The following NKAIN2 variants were observed in gnomAD, a reference collection of about 807,000 sequenced individuals.
The protein encoded by NKAIN2 is sodium/potassium-transporting ATPase subunit beta-1-interacting protein 2.
Under a neutral mutation model 32.6 loss-of-function variants are expected in NKAIN2, and 14 were observed. The observed-to-expected ratio is 0.43, with a 90% CI of 0.28 to 0.67. NKAIN2 has a LOEUF of 0.67. Ranked by LOEUF, NKAIN2 falls within the 30% of genes least tolerant of loss-of-function variation. The probability of loss-of-function intolerance (pLI) is 0.17; values close to 1 mark genes in which losing one functional copy is unlikely to be tolerated. For synonymous variants in NKAIN2, 80 were observed against 87.2 expected, an observed-to-expected ratio of 0.92 and a Z score of 0.46; for missense variants, 198 against 258.3, an observed-to-expected ratio of 0.77 and a Z score of 1.60.
intron 3 of NKAIN2, among the ~76,000 whole-genome samples, chr6:124,404,799 A>G (rs984854977): frequency 1.3e-5 from 2 of 152,226 alleles, no homozygotes; most frequent in Non-Finnish European, 2.9e-5. Context: ...TTACTATATC[A>G]TTAAAATATA....
At chr6:124,005,466 T>A (rs1476153919) in intron 1 of NKAIN2, among the ~76,000 whole-genome samples, 2 of 152,138 alleles carry the variant, frequency 1.3e-5, no homozygotes, top group Non-Finnish European at 2.9e-5. Context: ...ATATAATATA[T>A]ATGTATGCCA....
At chr6:124,511,467 T>C (rs1161618495) in intron 3 of NKAIN2, among the ~76,000 whole-genome samples, 1 of 152,104 alleles carries the variant, frequency 6.6e-6, no homozygotes, top group Non-Finnish European at 1.5e-5. Flanking sequence ...CAATTAAAAA[T>C]AGAAAAAATT....
chr6:123,991,723 A>G (rs7755307), intron 1 of NKAIN2, among the ~76,000 whole-genome samples: 71,534 of 151,660 alleles, frequency 0.47, 17,771 homozygotes, highest in African/African-American at 0.62. Flanking sequence ...TTAGCCAGGC[A>G]TGGTGGTGGG....
chr6:124,399,816 C>A (rs1384452241), intron 3 of NKAIN2, among the ~76,000 whole-genome samples: 1 of 152,122 alleles, frequency 6.6e-6, no homozygotes, highest in East Asian at 1.9e-4. Flanking sequence ...GACAAGGGAT[C>A]ATTAGGGAGA....
chr6:124,223,176 G>A (rs963478100), intron 1 of NKAIN2, among the ~76,000 whole-genome samples: 7 of 122,560 alleles, frequency 5.7e-5, no homozygotes, highest in African/African-American at 2.2e-4. Flanking sequence ...TTGCGCCACT[G>A]TACTCCAGCC....
chr6:123,907,376 T>A (rs1774933999), intron 1 of NKAIN2, among the ~76,000 whole-genome samples: 1 of 152,210 alleles, frequency 6.6e-6, no homozygotes, highest in Admixed American at 6.5e-5. Context: ...ATAGCTATAA[T>A]AGACTTATCA....
At chr6:124,260,251 C>T (rs1387839353) in intron 1 of NKAIN2, among the ~76,000 whole-genome samples, 1 of 152,122 alleles carries the variant, frequency 6.6e-6, no homozygotes, top group Non-Finnish European at 1.5e-5. Flanking sequence ...CTTCAAGGAG[C>T]TTACATCCTA....
chr6:124,406,557 T>G (rs993223479), intron 3 of NKAIN2, among the ~76,000 whole-genome samples: 13 of 152,176 alleles, frequency 8.5e-5, no homozygotes, highest in Admixed American at 5.2e-4. Context: ...ATGCACAGTC[T>G]TTGCATGGTT....
At chr6:124,253,723 T>C (rs1232526221) in intron 1 of NKAIN2, among the ~76,000 whole-genome samples, 2 of 152,166 alleles carry the variant, frequency 1.3e-5, no homozygotes, top group African/African-American at 2.4e-5. Context: ...ATAGCATACC[T>C]GTTATTTTCC....
chr6:124,383,701 T>C (rs937589822), intron 3 of NKAIN2, among the ~76,000 whole-genome samples: 3 of 152,216 alleles, frequency 2.0e-5, no homozygotes, highest in African/African-American at 7.2e-5. Context: ...CTAGCACCTA[T>C]CATGTACTTA....
intron 1 of NKAIN2, among the ~76,000 whole-genome samples, chr6:124,144,382 G>A (rs184747707): frequency 7.9e-5 from 12 of 152,280 alleles, no homozygotes; most frequent in Admixed American, 1.3e-4. Flanking sequence ...GCGTTTCAGT[G>A]AGAAATTGTG....
chr6:124,283,301 C>G, intron 2 of NKAIN2, 159 bp downstream of exon 2: 1 of 549,400 alleles, frequency 1.8e-6, no homozygotes, highest in Non-Finnish European at 3.2e-6. Context: ...ATTCCATCAA[C>G]AGTAATTGAA....
chr6:123,866,493 C>T (rs969891354), intron 1 of NKAIN2, among the ~76,000 whole-genome samples: 5 of 151,920 alleles, frequency 3.3e-5, no homozygotes, highest in Non-Finnish European at 5.9e-5. Context: ...TGCGGTGGTG[C>T]GATCTCGGCT....
At chr6:124,509,963 TTATC>T (rs1375301273) in intron 3 of NKAIN2, among the ~76,000 whole-genome samples, 1 of 152,194 alleles carries the variant, frequency 6.6e-6, no homozygotes, top group Admixed American at 6.5e-5. Flanking sequence ...AGAAGAAATA[TTATC>T]TAACTGCTTA....
At chr6:124,733,834 T>C (rs1776804904) in intron 4 of NKAIN2, among the ~76,000 whole-genome samples, 1 of 151,788 alleles carries the variant, frequency 6.6e-6, no homozygotes, top group African/African-American at 2.4e-5. Flanking sequence ...CATACATACA[T>C]GTATCCATAG....
intron 5 of NKAIN2, chr6:124,804,406 A>G: frequency 1.7e-6 from 1 of 572,230 alleles, no homozygotes; most frequent in Non-Finnish European, 2.2e-6. Context: ...AGCTAACGAT[A>G]TACTTTATTT....
intron 3 of NKAIN2, among the ~76,000 whole-genome samples, chr6:124,547,205 G>A (rs184847327): frequency 1.9e-4 from 29 of 152,112 alleles, no homozygotes; most frequent in Non-Finnish European, 3.1e-4. Context: ...CATTGCAAAT[G>A]GTGTTAGAGA....
At position 124,555,820 on chromosome 6, in the gene NKAIN2, G is replaced by T. The variant is rs569210493; in HGVS notation, c.274-102366G>T. 3.9e-5 allele frequency among the ~76,000 whole-genome samples: 6 copies of T among 152,222 alleles called. No homozygotes were observed. The East Asian group carries it at 7.7e-4, about 20-fold the overall frequency. Reference sequence around the variant, plus strand: ...TATGGACAAATATGCTCTTACTAGGGTAACAAAAACTTATCTTCTCTTTAG... The same window carrying T: ...TATGGACAAATATGCTCTTACTAGGTTAACAAAAACTTATCTTCTCTTTAG... On this transcript the variant is annotated intron_variant, in intron 3 of 6. Transcript: ENST00000368417.
chr6:123,824,354 C>G (rs1298618750), intron 1 of NKAIN2, among the ~76,000 whole-genome samples: 2 of 152,002 alleles, frequency 1.3e-5, no homozygotes, highest in Non-Finnish European at 2.9e-5. Flanking sequence ...GGGCAGCAAG[C>G]CATTTGAGAG....
Sources: allele counts gnomAD v4.1 joint callset (sites outside exome capture counted in the v4.1 genomes callset), GRCh38; gene constraint gnomAD v4.1.1; transcripts MANE v1.5; gene names NCBI Gene and HGNC (gene_info 2026-07-23, HGNC 2026-07-21).